CAPN13: variants seen among roughly 807,000 people sequenced by gnomAD.
CAPN13 encodes the protein calpain 13.
A neutral mutation model predicts 98.4 loss-of-function variants in CAPN13; 90 were observed. That is an observed-to-expected ratio of 0.92 (90% CI 0.77 to 1.09). CAPN13 has a LOEUF of 1.09. Ranked by LOEUF, CAPN13 falls within the 50% of genes least tolerant of loss-of-function variation. The pLI, the probability that CAPN13 is intolerant of heterozygous loss-of-function variation, is 0.00. For missense variants in CAPN13, 887 were observed against 841.3 expected (o/e 1.05, Z -0.67); for synonymous variants, 330 against 305.5 (o/e 1.08, Z -0.84).
intron 2 of CAPN13, among the ~76,000 whole-genome samples, chr2:30,786,399 G>A (rs528929542): frequency 1.3e-5 from 2 of 152,264 alleles, no homozygotes; most frequent in Admixed American, 6.5e-5. Flanking sequence ...GTCCTGATGA[G>A]ATTATCAGAA....
chr2:30,747,161 T>G (rs1250330829), intron 11 of CAPN13, among the ~76,000 whole-genome samples: 2 of 152,244 alleles, frequency 1.3e-5, no homozygotes, highest in Admixed American at 1.3e-4. Flanking sequence ...TACCTGAGAA[T>G]GCAGTTCCAT....
chr2:30,789,290 G>A (rs1047048003), intron 1 of CAPN13, among the ~76,000 whole-genome samples: 12 of 152,282 alleles, frequency 7.9e-5, no homozygotes, highest in African/African-American at 2.4e-4. Flanking sequence ...GTGCATGCTC[G>A]GGGACAGTGG....
At chr2:30,799,119 GAA>G (rs1389702783) in intron 1 of CAPN13, among the ~76,000 whole-genome samples, 4 of 151,986 alleles carry the variant, frequency 2.6e-5, no homozygotes, top group African/African-American at 9.7e-5. Context: ...CAGAGAGAGA[GAA>G]GAGAGCAAAA....
intron 21 of CAPN13, among the ~76,000 whole-genome samples, 157 bp from the exon 22 acceptor site, chr2:30,730,943 C>G (rs1191855451): frequency 6.6e-6 from 1 of 152,184 alleles, no homozygotes; most frequent in Non-Finnish European, 1.5e-5. Flanking sequence ...GCGGGGTTGT[C>G]TCACAGCACA....
chr2:30,770,345 G>C lies in CAPN13; in HGVS notation c.492C>G (p.Phe164Leu). Reference sequence around the variant, plus strand: ...AGGCCTTCTCCAGCAGGCAGGGCCAGAACTCTTGGTTTTGGTGGCGAGGAC... The same window carrying C: ...AGGCCTTCTCCAGCAGGCAGGGCCACAACTCTTGGTTTTGGTGGCGAGGAC... ...FVRPRHQNQE[F>L]WPCLLEKAYA... The change falls in exon 5 of 23, where the codon TTC (phenylalanine) becomes TTG (leucine). Residue 164 changes from phenylalanine (F) to leucine (L), a missense_variant. Phe to Leu is a conservative substitution (Grantham distance 22). Transcript: ENST00000295055. 6.2e-7 allele frequency: 1 copy of C among 1,614,050 alleles called. No individual in the cohort carries two copies. Among genetic ancestry groups the C allele is most frequent in the Non-Finnish European group, 8.5e-7 (1 of 1,179,886 alleles).
At chr2:30,758,184 C>T (rs1165820453) in intron 7 of CAPN13, 47 bp from the exon 8 acceptor site, 15 of 1,424,882 alleles carry the variant, frequency 1.1e-5, no homozygotes, top group Admixed American at 4.3e-5. Flanking sequence ...CAGCAAAAGT[C>T]AGCAGAAAGG....
At chr2:30,766,490 G>A (rs1022941735) in intron 5 of CAPN13, among the ~76,000 whole-genome samples, 6 of 152,184 alleles carry the variant, frequency 3.9e-5, no homozygotes, top group African/African-American at 7.2e-5. Context: ...ATGAGCTCAC[G>A]GATCCTGCTG....
At chr2:30,743,268 C>G (rs1164501213) in intron 13 of CAPN13, 115 bp downstream of exon 13, 1 of 942,764 alleles carries the variant, frequency 1.1e-6, no homozygotes, top group Non-Finnish European at 1.7e-6. Flanking sequence ...AATATCATGT[C>G]CCCAGTGACA....
At position 30,745,714 on chromosome 2, in the gene CAPN13, G is replaced by A. The variant is rs574214021; in HGVS notation, c.1248+9C>T. The A allele has an allele frequency of 6.3e-7, 1 of 1,596,722 alleles. No individual in the cohort carries two copies. The highest frequency in any genetic ancestry group is 1.7e-5 in the Admixed American group (1 of 59,738). On this transcript the variant is annotated intron_variant, in intron 12 of 22. Transcript: ENST00000295055. ...AGAGGCGCAGGGCAAGGACGACGCT[G>A]AGCCATACCTGTGAGCCAGCCTGTT...
intron 20 of CAPN13, 40 bp downstream of exon 20, chr2:30,732,398 C>G: frequency 6.2e-7 from 1 of 1,610,472 alleles, no homozygotes; most frequent in Non-Finnish European, 8.5e-7. Context: ...GTTCTTCGGT[C>G]ACTGCCAAGG....
intron 1 of CAPN13, among the ~76,000 whole-genome samples, chr2:30,802,146 G>A (rs1368760884): frequency 6.6e-6 from 1 of 152,132 alleles, no homozygotes; most frequent in African/African-American, 2.4e-5. Context: ...GCTGAGCCCT[G>A]GACTGGGAGC....
At chr2:30,743,729 T>A (rs1403972052) in intron 12 of CAPN13, 150 bp from the exon 13 acceptor site, 1 of 754,172 alleles carries the variant, frequency 1.3e-6, no homozygotes, top group African/African-American at 1.7e-5. Context: ...TCAGCTGAAG[T>A]CTCAAAAAGC....
At chr2:30,751,344 G>A (rs1672168218) in intron 10 of CAPN13, 93 bp from the exon 11 acceptor site, 1 of 1,389,484 alleles carries the variant, frequency 7.2e-7, no homozygotes. Flanking sequence ...GTGGGGTTGT[G>A]TTGTGAACTC....
intron 2 of CAPN13, among the ~76,000 whole-genome samples, chr2:30,781,516 G>T (rs1003847301): frequency 6.6e-6 from 1 of 152,150 alleles, no homozygotes; most frequent in African/African-American, 2.4e-5. Flanking sequence ...CCCTTCCCAG[G>T]GTGGGTGGGC....
At position 30,744,716 on chromosome 2, in the gene CAPN13, G is replaced by C. The variant is rs1471510650; in HGVS notation, c.1248+1007C>G. On this transcript the variant is annotated intron_variant, in intron 12 of 22. Transcript: ENST00000295055. ...CTTGCTCAGTGGCAGTGAGAAGTGT[G>C]AGTGTGGGGGAACAACGTGGGGGTT... Among the ~76,000 whole-genome samples, 4 of 152,310 alleles carry C rather than the reference G, an allele frequency of 2.6e-5. No homozygotes were observed. In the East Asian group the frequency reaches 7.7e-4, roughly 29 times the overall value.
At chr2:30,726,176 C>G (rs1255376884) in intron 22 of CAPN13, among the ~76,000 whole-genome samples, 1 of 152,182 alleles carries the variant, frequency 6.6e-6, no homozygotes, top group East Asian at 1.9e-4. Flanking sequence ...GCAGAGAATA[C>G]TGACATCAAG....
At chr2:30,803,025 C>G (rs1675382989) in intron 1 of CAPN13, among the ~76,000 whole-genome samples, 1 of 152,130 alleles carries the variant, frequency 6.6e-6, no homozygotes, top group Non-Finnish European at 1.5e-5. Flanking sequence ...CAGGAGCCAG[C>G]CCCTGCAGAA....
intron 7 of CAPN13, among the ~76,000 whole-genome samples, chr2:30,761,797 C>T (rs1189084958): frequency 2.6e-5 from 4 of 152,052 alleles, no homozygotes; most frequent in Admixed American, 2.0e-4. Flanking sequence ...ATTGGGACAC[C>T]GATCAAACCA....
intron 2 of CAPN13, among the ~76,000 whole-genome samples, chr2:30,784,269 T>C (rs11683592): frequency 0.49 from 75,042 of 151,600 alleles, 19,695 homozygotes; most frequent in South Asian, 0.65. Context: ...CCCACATTTT[T>C]CCCTGAAAGA....
Sources: allele counts gnomAD v4.1 joint callset (sites outside exome capture counted in the v4.1 genomes callset), GRCh38; gene constraint gnomAD v4.1.1; transcripts MANE v1.5; gene names NCBI Gene and HGNC (gene_info 2026-07-23, HGNC 2026-07-21).